Variants in GPC6 observed in about 807,000 individuals in gnomAD.
GPC6 encodes the protein glypican-6.
GPC6 carries 14 observed loss-of-function variants against 55.2 expected under a neutral mutation model. That is an observed-to-expected ratio of 0.25 (90% CI 0.17 to 0.40). The LOEUF is 0.40. GPC6 is among the 10% of genes least tolerant of loss of function. The probability of loss-of-function intolerance (pLI) is 1.00; values close to 1 mark genes in which losing one functional copy is unlikely to be tolerated. For synonymous variants in GPC6, 278 were observed against 259.6 expected (o/e 1.07, Z -0.68); for missense variants, 641 against 708.5 (o/e 0.90, Z 1.08).
At chr13:94,158,716 G>C (rs9561506) in intron 4 of GPC6, among the ~76,000 whole-genome samples, 12 of 152,212 alleles carry the variant, frequency 7.9e-5, no homozygotes, top group African/African-American at 2.9e-4. Context: ...TTACCACTTC[G>C]TATCTCAACT....
chr13:93,881,088 G>A (rs1357020449), intron 3 of GPC6, among the ~76,000 whole-genome samples: 1 of 151,968 alleles, frequency 6.6e-6, no homozygotes, highest in African/African-American at 2.4e-5. Flanking sequence ...GAGAATCCTG[G>A]AACAATCTTT....
At chr13:94,373,733 G>A (rs140441898) in intron 6 of GPC6, among the ~76,000 whole-genome samples, 5,797 of 152,140 alleles carry the variant, frequency 0.038, 170 homozygotes, top group African/African-American at 0.077. Context: ...GATACTCCTC[G>A]AGAAGAGGAA....
chr13:93,257,955 G>A (rs140841711), intron 1 of GPC6, among the ~76,000 whole-genome samples: 31 of 152,240 alleles, frequency 2.0e-4, no homozygotes, highest in Non-Finnish European at 4.4e-4. Context: ...AATTATTCCG[G>A]TATTGAGACA....
At chr13:94,318,466 A>G (rs1372566371) in intron 6 of GPC6, among the ~76,000 whole-genome samples, 1 of 152,186 alleles carries the variant, frequency 6.6e-6, no homozygotes, top group African/African-American at 2.4e-5. Flanking sequence ...GTTATAACAC[A>G]CTGTAATAAA....
At chr13:94,346,062 C>T (rs1404682514) in intron 6 of GPC6, among the ~76,000 whole-genome samples, 2 of 149,822 alleles carry the variant, frequency 1.3e-5, no homozygotes, top group Non-Finnish European at 3.0e-5. Flanking sequence ...TTCCTCATCA[C>T]ATGGCATTTC....
At chr13:94,208,661 C>T (rs905818025) in intron 4 of GPC6, among the ~76,000 whole-genome samples, 1 of 149,930 alleles carries the variant, frequency 6.7e-6, no homozygotes, top group African/African-American at 2.5e-5. Context: ...GGGGCTCCCA[C>T]CTGTAATCCC....
rs1025394383 is a variant in GPC6 at position 94,332,721 on chromosome 13, G to A, written c.1152+26598G>A. Among the ~76,000 whole-genome samples, 58 of 152,170 alleles carry A rather than the reference G, an allele frequency of 3.8e-4. 1 individual carries two copies. The highest frequency in any genetic ancestry group is 8.3e-4 in the South Asian group (4 of 4,834). The stretch of plus-strand genomic sequence containing the variant: ...ATAGATTATTTTCGAAAAGGTTTTT[G>A]TTTCCTGTAATGTTCTGGAATTTTT... On this transcript the variant is annotated intron_variant, in intron 6 of 8. Transcript: ENST00000377047.
At chr13:93,438,803 C>T (rs1309166123) in intron 1 of GPC6, among the ~76,000 whole-genome samples, 1 of 152,154 alleles carries the variant, frequency 6.6e-6, no homozygotes, top group East Asian at 1.9e-4. Context: ...AGAAGTTCTA[C>T]TGTGGGTACA....
intron 1 of GPC6, among the ~76,000 whole-genome samples, chr13:93,421,658 C>G (rs754454233): frequency 2.6e-5 from 4 of 151,996 alleles, no homozygotes; most frequent in Non-Finnish European, 4.4e-5. Flanking sequence ...TGAAATTACC[C>G]CATGTGTCTA....
intron 5 of GPC6, among the ~76,000 whole-genome samples, chr13:94,288,954 T>TCG (rs1874784563): frequency 1.1e-5 from 1 of 92,620 alleles, no homozygotes; most frequent in African/African-American, 3.9e-5. Flanking sequence ...TAGATAGATA[T>TCG]ATAGATAGAT....
chr13:93,255,586 A>ATGTATGTATG (rs1298894920), intron 1 of GPC6, among the ~76,000 whole-genome samples: 1 of 152,110 alleles, frequency 6.6e-6, no homozygotes, highest in African/African-American at 2.4e-5. Context: ...ATACATACTG[A>ATGTATGTATG]TCTTTATAGA....
chr13:93,308,234 G>A (rs868711786), intron 1 of GPC6, among the ~76,000 whole-genome samples: 4 of 152,108 alleles, frequency 2.6e-5, no homozygotes, highest in South Asian at 2.1e-4. Context: ...GCAGTGAGCC[G>A]AGATTGCGCT....
At chr13:93,687,329 A>AATT (rs1259614887) in intron 2 of GPC6, among the ~76,000 whole-genome samples, 7 of 152,188 alleles carry the variant, frequency 4.6e-5, no homozygotes, top group African/African-American at 1.4e-4. Context: ...GTTGGTGCAA[A>AATT]AGTAATTGCA....
rs372945639 is a variant in GPC6 at position 93,315,166 on chromosome 13, T to G, written c.160+87550T>G. On this transcript the variant is annotated intron_variant, in intron 1 of 8. Transcript: ENST00000377047. ...TTGATTTTTTTATTAAGATCTAAAT[T>G]TTAAAACATTACATCCTTTTAAAAC... 5.9e-5 allele frequency among the ~76,000 whole-genome samples: 9 copies of G among 152,152 alleles called. No homozygotes were observed. In the East Asian group the frequency reaches 1.2e-3, roughly 20 times the overall value.
At chr13:93,970,901 A>G (rs149049681) in intron 3 of GPC6, among the ~76,000 whole-genome samples, 74 of 152,346 alleles carry the variant, frequency 4.9e-4, no homozygotes, top group African/African-American at 1.7e-3. Flanking sequence ...TAAAAAAGAC[A>G]AGATACAATG....
intron 2 of GPC6, among the ~76,000 whole-genome samples, chr13:93,814,035 C>T (rs1446476515): frequency 6.6e-6 from 1 of 151,966 alleles, no homozygotes; most frequent in East Asian, 1.9e-4. Context: ...CATGTAACTG[C>T]TTTTGGTTTT....
Position 93,433,865 on chromosome 13 carries a change from G to A in GPC6, c.161-111398G>A, listed in dbSNP as rs148609855. 9.4e-4 allele frequency among the ~76,000 whole-genome samples: 143 copies of A among 152,246 alleles called. 2 individuals are homozygous for A. The highest frequency in any genetic ancestry group is 2.3e-3 in the African/African-American group (97 of 41,552). ...GAACAATATGTGATTTAATGCTGAC[G>A]TGAGGGCAAGGATGCTGAGAAACAT... is the stretch of plus-strand genomic sequence containing the variant. On this transcript the variant is annotated intron_variant, in intron 1 of 8. Transcript: ENST00000377047.
intron 1 of GPC6, among the ~76,000 whole-genome samples, chr13:93,333,740 G>A (rs1879942498): frequency 1.3e-5 from 2 of 151,658 alleles, no homozygotes; most frequent in African/African-American, 4.8e-5. Flanking sequence ...GTTTCACCAT[G>A]TTGCCCAGGC....
intron 3 of GPC6, among the ~76,000 whole-genome samples, chr13:93,831,520 A>G (rs910798612): frequency 2.7e-5 from 4 of 149,798 alleles, no homozygotes; most frequent in Non-Finnish European, 5.9e-5. Context: ...GAGCCACAGT[A>G]TTTTTCATAA....
Sources: allele counts gnomAD v4.1 joint callset (sites outside exome capture counted in the v4.1 genomes callset), GRCh38; gene constraint gnomAD v4.1.1; transcripts MANE v1.5; gene names NCBI Gene and HGNC (gene_info 2026-07-23, HGNC 2026-07-21).